MAGI1: variants seen among roughly 807,000 people sequenced by gnomAD.
The protein encoded by MAGI1 is membrane-associated guanylate kinase, WW and PDZ domain-containing protein 1.
In MAGI1, 58 loss-of-function variants were observed where a neutral mutation model predicts 139.9. That is an observed-to-expected ratio of 0.41 (90% CI 0.34 to 0.52). The LOEUF is 0.52. MAGI1 is among the 20% of genes least tolerant of loss of function. MAGI1 has a pLI of 0.12. For missense variants in MAGI1, 1,874 were observed against 1,901.6 expected (o/e 0.99, Z 0.27); for synonymous variants, 812 against 737.9 (o/e 1.10, Z -1.63).
At chr3:65,815,908 G>C in intron 1 of MAGI1, among the ~76,000 whole-genome samples, 1 of 152,152 alleles carries the variant, frequency 6.6e-6, no homozygotes. Context: ...CCAACGCAGA[G>C]ATCTAACATA....
intron 13 of MAGI1, among the ~76,000 whole-genome samples, chr3:65,400,288 ATTGCAGGT>A (rs1559524151): frequency 6.6e-6 from 1 of 152,156 alleles, no homozygotes; most frequent in Non-Finnish European, 1.5e-5. Context: ...CACATCAATT[ATTGCAGGT>A]TTTTCTCTTT....
At chr3:65,768,372 A>T (rs1187353151) in intron 1 of MAGI1, among the ~76,000 whole-genome samples, 10 of 152,190 alleles carry the variant, frequency 6.6e-5, no homozygotes, top group Admixed American at 6.5e-4. Context: ...GTGAGCCAAG[A>T]TCACGCCACT....
At position 65,586,573 on chromosome 3, in the gene MAGI1, A is replaced by G. The variant is rs1235547678; in HGVS notation, c.430+35399T>C. On this transcript the variant is annotated intron_variant, in intron 2 of 22. Coordinates refer to ENST00000402939, the MANE Select transcript of MAGI1 (RefSeq NM_001033057.2). Reference sequence around the variant, plus strand: ...TTCAAAATGAATACAATTTGCTTCAACAAATGTGATTTGAATGACAGAAAT... The same window carrying G: ...TTCAAAATGAATACAATTTGCTTCAGCAAATGTGATTTGAATGACAGAAAT... Among the ~76,000 whole-genome samples the G allele has an allele frequency of 5.9e-5, 9 of 152,358 alleles. No individual in the cohort carries two copies. The East Asian group carries it at 1.7e-3, about 29-fold the overall frequency.
chr3:66,013,623 T>C (rs1239663085), intron 1 of MAGI1, among the ~76,000 whole-genome samples: 5 of 151,468 alleles, frequency 3.3e-5, no homozygotes, highest in Admixed American at 2.6e-4. Flanking sequence ...TAGCTGGTCG[T>C]GGTGGCGGGC....
intron 13 of MAGI1, among the ~76,000 whole-genome samples, chr3:65,397,861 G>A (rs913059778): frequency 6.6e-6 from 1 of 151,876 alleles, no homozygotes; most frequent in African/African-American, 2.4e-5. Context: ...CTGTTAATGT[G>A]GTTATTATTT....
At position 65,975,092 on chromosome 3, in the gene MAGI1, T is replaced by TAAA. The variant is rs35610967; in HGVS notation, c.313+62901_313+62903dup. Among the ~76,000 whole-genome samples, 6 of 147,254 alleles carry TAAA rather than the reference T, an allele frequency of 4.1e-5. No individual in the cohort carries two copies. The South Asian group carries it at 6.4e-4, about 16-fold the overall frequency. ...AAAGATTAAAAGGGAAATAGCTATTTAAAAAAAAAAAAACAGTAAATATCC... is the reference window on the plus strand; with the variant it reads ...AAAGATTAAAAGGGAAATAGCTATTTAAAAAAAAAAAAAAAACAGTAAATATCC... On this transcript the variant is annotated intron_variant, in intron 1 of 22. Coordinates refer to ENST00000402939, the MANE Select transcript of MAGI1 (RefSeq NM_001033057.2).
At chr3:65,806,110 A>G (rs2040837697) in intron 1 of MAGI1, among the ~76,000 whole-genome samples, 1 of 152,102 alleles carries the variant, frequency 6.6e-6, no homozygotes, top group Non-Finnish European at 1.5e-5. Context: ...ATATAAAGAA[A>G]TTTTTTAAAA....
rs202035108 is a variant in MAGI1, at chr3:65,370,267, C to CA, written c.3197-5322dup. ...TGGGTGACACAGCGAGACTCCGTCT[C>CA]AAAAAAAAAAAATTGAGCATCACAT... On this transcript the variant is annotated intron_variant, in intron 18 of 22. Coordinates refer to ENST00000402939, the MANE Select transcript of MAGI1 (RefSeq NM_001033057.2). 9.2e-3 allele frequency among the ~76,000 whole-genome samples: 1,338 copies of CA among 145,656 alleles called. 19 individuals are homozygous for CA. Among genetic ancestry groups the CA allele is most frequent in the African/African-American group, 0.029 (1,143 of 40,042 alleles).
chr3:65,669,229 C>G (rs545970779), intron 1 of MAGI1, among the ~76,000 whole-genome samples: 16 of 152,136 alleles, frequency 1.1e-4, no homozygotes, highest in Non-Finnish European at 2.4e-4. Context: ...ATGGGTGTCC[C>G]TTACAGACTT....
rs955643314 is a variant in MAGI1, at chr3:66,024,429, G to C, written c.313+13567C>G. ...TACATGGCAGCAAGAGGCCAAAGCA[G>C]AATGGCAGCTTTTCCCATTGAACAG... On this transcript the variant is annotated intron_variant, in intron 1 of 22. Coordinates refer to ENST00000402939, the MANE Select transcript of MAGI1 (RefSeq NM_001033057.2). Among the ~76,000 whole-genome samples, 16 of 150,782 alleles carry C rather than the reference G, an allele frequency of 1.1e-4. 1 individual carries two copies. The highest frequency in any genetic ancestry group is 9.3e-4 in the Admixed American group (14 of 15,058).
At chr3:65,945,198 G>A (rs2063494206) in intron 1 of MAGI1, among the ~76,000 whole-genome samples, 1 of 152,132 alleles carries the variant, frequency 6.6e-6, no homozygotes, top group African/African-American at 2.4e-5. Context: ...TCAAGAAACT[G>A]CATTTGGTTT....
At chr3:65,479,773 T>G (rs994579192) in intron 3 of MAGI1, among the ~76,000 whole-genome samples, 3 of 152,294 alleles carry the variant, frequency 2.0e-5, no homozygotes, top group Admixed American at 6.5e-5. Flanking sequence ...GTAAGCTATT[T>G]TTTTAAAGTT....
At chr3:65,908,900 C>T (rs1367977088) in intron 1 of MAGI1, among the ~76,000 whole-genome samples, 2 of 152,150 alleles carry the variant, frequency 1.3e-5, no homozygotes, top group Non-Finnish European at 1.5e-5. Context: ...CAGAAGTCTG[C>T]TTATTCTCAG....
chr3:65,708,021 T>G (rs1408764019), intron 1 of MAGI1, among the ~76,000 whole-genome samples: 1 of 152,122 alleles, frequency 6.6e-6, no homozygotes, highest in African/African-American at 2.4e-5. Flanking sequence ...CATCTCACCA[T>G]CAAAAAGTAT....
At chr3:65,457,360 G>A (rs576877833) in intron 5 of MAGI1, among the ~76,000 whole-genome samples, 1 of 152,028 alleles carries the variant, frequency 6.6e-6, no homozygotes, top group Non-Finnish European at 1.5e-5. Context: ...TGAAATTAAT[G>A]TATCACACAG....
intron 1 of MAGI1, among the ~76,000 whole-genome samples, chr3:65,904,434 C>T (rs2061357084): frequency 6.6e-6 from 1 of 152,216 alleles, no homozygotes; most frequent in Non-Finnish European, 1.5e-5. Context: ...CAGTGAATGG[C>T]CACTGCCCTT....
At chr3:65,716,727 T>G (rs1472622186) in intron 1 of MAGI1, among the ~76,000 whole-genome samples, 2 of 152,246 alleles carry the variant, frequency 1.3e-5, no homozygotes, top group African/African-American at 2.4e-5. Flanking sequence ...GAATAAACTC[T>G]GCATTCAATG....
At chr3:65,576,203 T>C (rs754868375) in intron 2 of MAGI1, among the ~76,000 whole-genome samples, 1 of 152,254 alleles carries the variant, frequency 6.6e-6, no homozygotes, top group Non-Finnish European at 1.5e-5. Flanking sequence ...GTTTTCTGTT[T>C]GCTTCTTGTT....
At chr3:65,996,395 T>G (rs1199349702) in intron 1 of MAGI1, among the ~76,000 whole-genome samples, 1 of 152,082 alleles carries the variant, frequency 6.6e-6, no homozygotes, top group African/African-American at 2.4e-5. Context: ...AATCTCATAA[T>G]TCCACCCCAT....
Sources: allele counts gnomAD v4.1 joint callset (sites outside exome capture counted in the v4.1 genomes callset), GRCh38; gene constraint gnomAD v4.1.1; transcripts MANE v1.5; gene names NCBI Gene and HGNC (gene_info 2026-07-23, HGNC 2026-07-21).